Variants in CAB39 observed in about 807,000 individuals in gnomAD.
CAB39 encodes calcium binding protein 39.
In CAB39, 8 loss-of-function variants were observed where a neutral mutation model predicts 40.0. The observed-to-expected ratio is 0.20, with a 90% CI of 0.12 to 0.36. The LOEUF (loss-of-function observed/expected upper bound fraction) is 0.36, where lower values mean the gene tolerates loss of function less well. Among genes scored for constraint, CAB39 ranks in the 10% least tolerant of loss-of-function variants. The probability of loss-of-function intolerance (pLI) is 1.00; values close to 1 mark genes in which losing one functional copy is unlikely to be tolerated. For missense variants in CAB39, 270 were observed against 401.1 expected (o/e 0.67, Z 2.79); for synonymous variants, 156 against 141.6 (o/e 1.10, Z -0.72).
At chr2:230,781,771 A>G (rs1170385688) in intron 2 of CAB39, among the ~76,000 whole-genome samples, 1 of 152,234 alleles carries the variant, frequency 6.6e-6, no homozygotes, top group Non-Finnish European at 1.5e-5. Flanking sequence ...CCTGCAGGCC[A>G]GAGGTGGGGC....
chr2:230,760,267 T>C, intron 2 of CAB39, 152 bp downstream of exon 2: 1 of 516,562 alleles, frequency 1.9e-6, no homozygotes, highest in Non-Finnish European at 3.5e-6. Context: ...AACATACTTT[T>C]TCTTCTGTAT....
chr2:230,781,816 GGGAAC>G, intron 2 of CAB39, among the ~76,000 whole-genome samples: 1 of 152,316 alleles, frequency 6.6e-6, no homozygotes, highest in South Asian at 2.1e-4. Context: ...CTGCTATGAA[GGGAAC>G]CAAGTCAAAA....
chr2:230,798,964 A>G (rs1696037865), intron 5 of CAB39, 67 bp downstream of exon 5: 4 of 1,233,122 alleles, frequency 3.2e-6, no homozygotes, highest in Non-Finnish European at 4.5e-6. Flanking sequence ...CTAAACCTTC[A>G]TTGCCCTCCT....
At chr2:230,760,177 A>T in intron 2 of CAB39, 62 bp downstream of exon 2, 1 of 980,434 alleles carries the variant, frequency 1.0e-6, no homozygotes, top group Non-Finnish European at 1.6e-6. Flanking sequence ...GACACCTTAT[A>T]TGAGGAATCA....
At chr2:230,715,750 C>G (rs1467212) in intron 1 of CAB39, among the ~76,000 whole-genome samples, 3 of 152,198 alleles carry the variant, frequency 2.0e-5, no homozygotes, top group Non-Finnish European at 2.9e-5. Flanking sequence ...TCGCTCAGGC[C>G]GGAGTGCAGT....
chr2:230,773,310 ATATATGTGTGTGTGTGTGTGTG>A (rs1266535493), intron 2 of CAB39, among the ~76,000 whole-genome samples: 7 of 84,500 alleles, frequency 8.3e-5, no homozygotes, highest in African/African-American at 3.5e-4. Flanking sequence ...ATATATATAT[ATATATGTGTGTGTGTGTGTGTG>A]TGTGTGTGTG....
chr2:230,727,400 AT>A (rs1343384694), intron 1 of CAB39, among the ~76,000 whole-genome samples: 1 of 62,432 alleles, frequency 1.6e-5, no homozygotes, highest in Non-Finnish European at 3.2e-5. Context: ...GTGTGTGTGT[AT>A]TTTTTTTTCT....
intron 7 of CAB39, among the ~76,000 whole-genome samples, chr2:230,816,703 C>T (rs951614479): frequency 6.6e-6 from 1 of 152,240 alleles, no homozygotes; most frequent in East Asian, 1.9e-4. Flanking sequence ...CACATCTCTG[C>T]AGATACAGGC....
At chr2:230,719,356 T>C (rs2124849995) in intron 1 of CAB39, among the ~76,000 whole-genome samples, 1 of 152,318 alleles carries the variant, frequency 6.6e-6, no homozygotes, top group Admixed American at 6.5e-5. Context: ...CTCCCTGAAA[T>C]AGGGTATGAC....
intron 1 of CAB39, among the ~76,000 whole-genome samples, chr2:230,732,051 A>G (rs1166297623): frequency 6.6e-6 from 1 of 151,500 alleles, no homozygotes; most frequent in African/African-American, 2.4e-5. Flanking sequence ...AAGGAGAGAG[A>G]GCTGAGAGCT....
rs147954046 is a variant in CAB39 at position 230,752,965 on chromosome 2, A to G, written c.-43-6994A>G. On this transcript the variant is annotated intron_variant, in intron 1 of 8. Transcript: ENST00000258418. ...GGAGCAGCAGTTGGAAAGGTAGGCC[A>G]TTGGTCGGGCTAGAAATGGATTTCA... Among the ~76,000 whole-genome samples the G allele has an allele frequency of 1.5e-3, 221 of 152,292 alleles. 1 individual carries two copies. Among genetic ancestry groups the G allele is most frequent in the Middle Eastern group, 6.8e-3 (2 of 294 alleles).
intron 5 of CAB39, among the ~76,000 whole-genome samples, chr2:230,809,015 CA>C: frequency 6.6e-6 from 1 of 152,334 alleles, no homozygotes; most frequent in Non-Finnish European, 1.5e-5. Context: ...AATAATCCCA[CA>C]AACCAGTGTA....
chr2:230,777,210 G>A (rs930077179), intron 2 of CAB39, among the ~76,000 whole-genome samples: 3 of 152,050 alleles, frequency 2.0e-5, no homozygotes, highest in Admixed American at 2.0e-4. Flanking sequence ...AAAAAATTAA[G>A]TTTATCCTTA....
chr2:230,733,380 A>G (rs779458938), intron 1 of CAB39, among the ~76,000 whole-genome samples: 1 of 151,906 alleles, frequency 6.6e-6, no homozygotes, highest in African/African-American at 2.4e-5. Flanking sequence ...ACATACCCCC[A>G]AGGTAGTTTG....
intron 1 of CAB39, among the ~76,000 whole-genome samples, chr2:230,741,999 A>G (rs975821709): frequency 6.6e-6 from 1 of 152,218 alleles, no homozygotes; most frequent in African/African-American, 2.4e-5. Context: ...TGCTACTAGA[A>G]TGGCTTATTT....
At chr2:230,814,591 C>T (rs1024544941) in intron 7 of CAB39, among the ~76,000 whole-genome samples, 9 of 152,276 alleles carry the variant, frequency 5.9e-5, no homozygotes, top group African/African-American at 2.2e-4. Context: ...AACTGTAGAA[C>T]AAGGGTTGGC....
In CAB39 at chr2:230,758,527, T is replaced by G. The variant is rs532914821; in HGVS notation, c.-43-1432T>G. On this transcript the variant is annotated intron_variant, in intron 1 of 8. Coordinates refer to ENST00000258418, the MANE Select transcript of CAB39 (RefSeq NM_016289.4). ...TTGTAGGCTTGACATTAGCATTCAT[T>G]TGCATGTTTTAAACATTCTTTATAA... 1.8e-4 allele frequency among the ~76,000 whole-genome samples: 28 copies of G among 152,302 alleles called. No homozygotes were observed. The South Asian group carries it at 5.8e-3, about 32-fold the overall frequency.
intron 1 of CAB39, among the ~76,000 whole-genome samples, chr2:230,733,093 C>T (rs1196237224): frequency 6.6e-6 from 1 of 152,124 alleles, no homozygotes; most frequent in East Asian, 1.9e-4. Context: ...TGGACATGCA[C>T]AGGAAAGTTG....
At chr2:230,752,544 C>T (rs971645132) in intron 1 of CAB39, among the ~76,000 whole-genome samples, 2 of 152,148 alleles carry the variant, frequency 1.3e-5, no homozygotes, top group African/African-American at 2.4e-5. Flanking sequence ...TGTAGGTCCT[C>T]GTTATAGTGA....
Sources: allele counts gnomAD v4.1 joint callset (sites outside exome capture counted in the v4.1 genomes callset), GRCh38; gene constraint gnomAD v4.1.1; transcripts MANE v1.5; gene names NCBI Gene and HGNC (gene_info 2026-07-23, HGNC 2026-07-21).